Variants in PDE1C observed in about 807,000 individuals in gnomAD.
PDE1C encodes dual specificity calcium/calmodulin-dependent 3',5'-cyclic nucleotide phosphodiesterase 1C.
Under a neutral mutation model 93.1 loss-of-function variants are expected in PDE1C, and 62 were observed. That is an observed-to-expected ratio of 0.67 (90% CI 0.54 to 0.82). PDE1C has a LOEUF of 0.82. Among genes scored for constraint, PDE1C ranks in the 40% least tolerant of loss-of-function variants. The probability of loss-of-function intolerance (pLI) is 0.00; values close to 1 mark genes in which losing one functional copy is unlikely to be tolerated. For synonymous variants in PDE1C, 325 were observed against 310.1 expected, an observed-to-expected ratio of 1.05 and a Z score of -0.50; for missense variants, 742 against 884.6, an observed-to-expected ratio of 0.84 and a Z score of 2.04.
chr7:32,356,714 G>T (rs934042135), intron 1 of PDE1C, among the ~76,000 whole-genome samples: 4 of 152,084 alleles, frequency 2.6e-5, no homozygotes, highest in Admixed American at 2.0e-4. Flanking sequence ...AATATGCCAT[G>T]GTCACCTAAT....
intron 1 of PDE1C, among the ~76,000 whole-genome samples, chr7:32,293,711 C>T (rs1812472593): frequency 6.6e-6 from 1 of 152,148 alleles, no homozygotes; most frequent in African/African-American, 2.4e-5. Context: ...CCACACCCTG[C>T]CGCACCTGAC....
At chr7:32,332,590 T>C (rs777134694) in intron 1 of PDE1C, among the ~76,000 whole-genome samples, 9 of 152,104 alleles carry the variant, frequency 5.9e-5, no homozygotes, top group Admixed American at 1.3e-4. Context: ...TACCACAATG[T>C]TTTTAGGGGC....
chr7:32,170,347 G>A (rs1478655607), intron 2 of PDE1C, among the ~76,000 whole-genome samples: 1 of 152,076 alleles, frequency 6.6e-6, no homozygotes, highest in African/African-American at 2.4e-5. Context: ...TGAAGCCCAA[G>A]ACTCCATTCT....
the PDE1C span, among the ~76,000 whole-genome samples, chr7:31,693,605 A>T: frequency 6.6e-6 from 1 of 152,192 alleles, no homozygotes; most frequent in Non-Finnish European, 1.5e-5. Context: ...ACTCAATGAG[A>T]TCATATGTTC....
At chr7:32,394,763 A>G (rs1450356557) in intron 1 of PDE1C, among the ~76,000 whole-genome samples, 1 of 152,174 alleles carries the variant, frequency 6.6e-6, no homozygotes, top group Non-Finnish European at 1.5e-5. Context: ...GCAGTGAACC[A>G]TGATCATGCC....
chr7:32,378,561 C>A (rs1423823808), intron 1 of PDE1C, among the ~76,000 whole-genome samples: 1 of 152,180 alleles, frequency 6.6e-6, no homozygotes, highest in African/African-American at 2.4e-5. Flanking sequence ...ACAAGATATG[C>A]AACTTCCCCA....
chr7:32,075,620 G>A (rs1465217388), upstream of PDE1C, among the ~76,000 whole-genome samples: 1 of 152,178 alleles, frequency 6.6e-6, no homozygotes, highest in African/African-American at 2.4e-5. Flanking sequence ...GCAGAGGACT[G>A]GCTAAGCCCA....
chr7:32,400,388 A>C (rs1161455846), intron 1 of PDE1C, among the ~76,000 whole-genome samples: 1 of 152,070 alleles, frequency 6.6e-6, no homozygotes. Context: ...TTTTCCCCCA[A>C]CTGTGTCCCA....
Position 32,420,282 on chromosome 7 carries a change from CATGTGTATATATATGTGTATATATAT to C in PDE1C, c.310+7514_310+7539del, listed in dbSNP as rs1785390464. Among the ~76,000 whole-genome samples, 3 of 25,648 alleles carry C rather than the reference CATGTGTATATATATGTGTATATATAT, an allele frequency of 1.2e-4. 1 individual carries two copies. The highest frequency in any genetic ancestry group is 2.2e-4 in the Non-Finnish European group (3 of 13,640). The allele number at this position is 25,648 out of a possible 152,430, so 16.8% of individuals were successfully genotyped here. ...GTGTATATATATGTGTATATATATA[CATGTGTATATATATGTGTATATATAT>C]ACATGTGTATATATATGTGTATATA... On this transcript the variant is annotated intron_variant, in intron 1 of 1. Transcript: ENST00000672256.
intron 3 of PDE1C, among the ~76,000 whole-genome samples, chr7:32,088,507 C>CT (rs1563302580): frequency 6.6e-6 from 1 of 152,234 alleles, no homozygotes; most frequent in East Asian, 1.9e-4. Flanking sequence ...CCAAGGCGGC[C>CT]GGAGCCCTGC....
intron 1 of PDE1C, among the ~76,000 whole-genome samples, chr7:32,353,917 G>C (rs1783980590): frequency 6.6e-6 from 1 of 152,152 alleles, no homozygotes; most frequent in Non-Finnish European, 1.5e-5. Flanking sequence ...TCCATGGTTA[G>C]ATAACTATTG....
chr7:31,684,985 T>C, the PDE1C span, among the ~76,000 whole-genome samples: 2 of 152,212 alleles, frequency 1.3e-5, no homozygotes, highest in African/African-American at 2.4e-5. Flanking sequence ...TAGCCAAACA[T>C]TGGTAACAAT....
chr7:31,648,331 AAAG>A, the PDE1C span, among the ~76,000 whole-genome samples: 6,774 of 152,258 alleles, frequency 0.044, 303 homozygotes, highest in Admixed American at 0.14. Context: ...ATTGTAAGAA[AAAG>A]AAGAAGAAGA....
chr7:32,226,260 A>G (rs960027972), intron 1 of PDE1C, among the ~76,000 whole-genome samples: 6 of 152,160 alleles, frequency 3.9e-5, no homozygotes, highest in Non-Finnish European at 5.9e-5. Flanking sequence ...CTTCTCCTAC[A>G]AAACAACTGT....
chr7:32,154,385 C>CA (rs750049218), intron 3 of PDE1C, among the ~76,000 whole-genome samples: 31 of 152,118 alleles, frequency 2.0e-4, no homozygotes, highest in Non-Finnish European at 3.8e-4. Flanking sequence ...CAAGAAGCTG[C>CA]AAAAATGGTA....
chr7:31,928,508 A>C (rs1012749991), intron 2 of PDE1C, among the ~76,000 whole-genome samples: 6 of 152,182 alleles, frequency 3.9e-5, no homozygotes, highest in African/African-American at 1.4e-4. Context: ...GAAACAAAGG[A>C]AAAAATGTTA....
chr7:31,724,591 C>G, the PDE1C span, among the ~76,000 whole-genome samples: 1 of 152,166 alleles, frequency 6.6e-6, no homozygotes, highest in Non-Finnish European at 1.5e-5. Flanking sequence ...GCCCAGTGCC[C>G]CACAGCCCAG....
the PDE1C span, among the ~76,000 whole-genome samples, chr7:31,737,256 G>A: frequency 4.0e-5 from 6 of 151,796 alleles, no homozygotes; most frequent in African/African-American, 1.5e-4. Context: ...TTGCATTACA[G>A]GTGTGAGCCA....
intron 2 of PDE1C, among the ~76,000 whole-genome samples, chr7:32,193,654 T>C (rs1174701767): frequency 1.3e-5 from 2 of 152,192 alleles, no homozygotes; most frequent in African/African-American, 2.4e-5. Flanking sequence ...AAGACAATGT[T>C]AGCTTCATAC....
Sources: gnomAD v4.1 joint callset for allele counts (sites outside exome capture counted in the v4.1 genomes callset) on GRCh38, gnomAD v4.1.1 for gene constraint, MANE v1.5 for transcripts, NCBI Gene and HGNC (gene_info 2026-07-23, HGNC 2026-07-21) for gene names.